The following MAGI1 variants were observed in gnomAD, a reference collection of about 807,000 sequenced individuals.
MAGI1 encodes membrane-associated guanylate kinase, WW and PDZ domain-containing protein 1.
In MAGI1, 58 loss-of-function variants were observed where a neutral mutation model predicts 139.9. That is an observed-to-expected ratio of 0.41 (90% CI 0.34 to 0.52). MAGI1 has a LOEUF of 0.52. Among genes scored for constraint, MAGI1 ranks in the 20% least tolerant of loss-of-function variants. MAGI1 has a pLI of 0.12. For missense variants in MAGI1, 1,874 were observed against 1,901.6 expected (o/e 0.99, Z 0.27); for synonymous variants, 812 against 737.9 (o/e 1.10, Z -1.63).
intron 7 of MAGI1, among the ~76,000 whole-genome samples, chr3:65,446,382 A>G (rs1306268175): frequency 2.0e-5 from 3 of 152,210 alleles, no homozygotes; most frequent in Non-Finnish European, 4.4e-5. Flanking sequence ...GGGGAGCCAC[A>G]CAGTTTGATC....
rs1057229966 is a variant in MAGI1, at chr3:65,696,998, G to C, written c.314-74910C>G. Among the ~76,000 whole-genome samples the C allele has an allele frequency of 6.6e-5, 10 of 152,270 alleles. No homozygotes were observed. The South Asian group carries it at 1.4e-3, about 22-fold the overall frequency. ...CTAGCAAGACTAATAAAGAAGAAAAGAGAGAAGAATCAAATAGACACAATG... is the reference window on the plus strand; with the variant it reads ...CTAGCAAGACTAATAAAGAAGAAAACAGAGAAGAATCAAATAGACACAATG... On this transcript the variant is annotated intron_variant, in intron 1 of 22. Transcript: ENST00000402939.
At chr3:65,672,803 C>T (rs916865828) in intron 1 of MAGI1, among the ~76,000 whole-genome samples, 1 of 152,146 alleles carries the variant, frequency 6.6e-6, no homozygotes, top group African/African-American at 2.4e-5. Flanking sequence ...CACGTACTAC[C>T]AGTGCACTCT....
intron 1 of MAGI1, among the ~76,000 whole-genome samples, chr3:65,988,156 G>A (rs1410209520): frequency 6.6e-6 from 1 of 152,208 alleles, no homozygotes; most frequent in Non-Finnish European, 1.5e-5. Context: ...AACAAAGTCA[G>A]TAAGTACCAG....
At chr3:65,463,558 A>ATATG (rs1491281941) in intron 5 of MAGI1, among the ~76,000 whole-genome samples, 2 of 140,748 alleles carry the variant, frequency 1.4e-5, no homozygotes, top group African/African-American at 5.3e-5. Context: ...TTGGCCTGAA[A>ATATG]TGTGTGTGTG....
At chr3:65,360,061 T>G (rs1287489345) in intron 22 of MAGI1, 1 of 985,240 alleles carries the variant, frequency 1.0e-6, no homozygotes, top group Non-Finnish European at 1.2e-6. Flanking sequence ...CCTCCCCCTG[T>G]ACCTCGGACC....
At chr3:65,816,963 G>A (rs771783333) in intron 1 of MAGI1, among the ~76,000 whole-genome samples, 33 of 152,042 alleles carry the variant, frequency 2.2e-4, no homozygotes, top group Non-Finnish European at 4.3e-4. Flanking sequence ...TAATGATAGC[G>A]GAATAATGGA....
intron 1 of MAGI1, among the ~76,000 whole-genome samples, chr3:65,710,137 T>C (rs1415545521): frequency 6.6e-6 from 1 of 152,140 alleles, no homozygotes; most frequent in Non-Finnish European, 1.5e-5. Flanking sequence ...TTTAAAGGAA[T>C]GGTTTTAAAA....
chr3:65,969,741 A>C (rs2064934850), intron 1 of MAGI1, among the ~76,000 whole-genome samples: 1 of 152,258 alleles, frequency 6.6e-6, no homozygotes, highest in Non-Finnish European at 1.5e-5. Flanking sequence ...GTGCTGTCCA[A>C]AACAGCAGCC....
chr3:65,609,567 C>T (rs7637606), intron 2 of MAGI1, among the ~76,000 whole-genome samples: 70,073 of 151,818 alleles, frequency 0.46, 16,587 homozygotes, highest in Non-Finnish European at 0.51. Context: ...GTACGAGCCA[C>T]CGGGTTTTTT....
chr3:65,579,830 A>G (rs977625255), intron 2 of MAGI1, among the ~76,000 whole-genome samples: 1 of 143,758 alleles, frequency 7.0e-6, no homozygotes, highest in Non-Finnish European at 1.5e-5. Flanking sequence ...CTGGGGAACA[A>G]GAGCGAAACT....
intron 1 of MAGI1, among the ~76,000 whole-genome samples, chr3:65,724,732 C>T (rs1376065309): frequency 1.3e-5 from 2 of 152,256 alleles, no homozygotes. Flanking sequence ...AGGAAACTTA[C>T]AATTATGGCG....
intron 2 of MAGI1, among the ~76,000 whole-genome samples, chr3:65,615,511 A>G (rs999478819): frequency 5.9e-5 from 9 of 152,160 alleles, no homozygotes; most frequent in African/African-American, 2.2e-4. Flanking sequence ...CTGAAGGGGC[A>G]CTGTAGAAAT....
At chr3:65,553,261 T>C (rs1235772912) in intron 2 of MAGI1, among the ~76,000 whole-genome samples, 1 of 152,196 alleles carries the variant, frequency 6.6e-6, no homozygotes, top group East Asian at 1.9e-4. Flanking sequence ...TAGCTAGAGG[T>C]AGTTTCTACA....
intron 1 of MAGI1, among the ~76,000 whole-genome samples, chr3:65,778,796 A>T (rs2038692379): frequency 6.6e-6 from 1 of 152,242 alleles, no homozygotes; most frequent in Non-Finnish European, 1.5e-5. Flanking sequence ...TTAAAAAGAC[A>T]ACTCGCATCT....
chr3:65,418,404 T>C (rs1037409542), intron 12 of MAGI1, among the ~76,000 whole-genome samples: 1 of 152,292 alleles, frequency 6.6e-6, no homozygotes, highest in African/African-American at 2.4e-5. Flanking sequence ...ACTAGGACTA[T>C]GAAATTAAAT....
intron 1 of MAGI1, among the ~76,000 whole-genome samples, chr3:65,686,606 C>A (rs529832469): frequency 2.0e-5 from 3 of 152,108 alleles, no homozygotes; most frequent in Non-Finnish European, 4.4e-5. Context: ...GGGTTGTTTT[C>A]TAAATGCAGA....
chr3:65,385,504 GGGAA>G (rs1943377209), intron 14 of MAGI1, among the ~76,000 whole-genome samples: 3 of 152,304 alleles, frequency 2.0e-5, no homozygotes, highest in African/African-American at 4.8e-5. Context: ...CAATGGAATA[GGGAA>G]GAAGAAGGTG....
intron 1 of MAGI1, among the ~76,000 whole-genome samples, chr3:65,812,445 TTCTCTC>T (rs530333757): frequency 1.5e-5 from 2 of 130,594 alleles, no homozygotes; most frequent in African/African-American, 2.8e-5. Flanking sequence ...CTCTCTCTCT[TTCTCTC>T]TCTCTCTCTC....
chr3:66,027,010 T>C (rs1378281767), intron 1 of MAGI1, among the ~76,000 whole-genome samples: 2 of 151,794 alleles, frequency 1.3e-5, no homozygotes, highest in South Asian at 4.2e-4. Flanking sequence ...TGGCTCACAC[T>C]TGTAATCCCA....
Sources: gnomAD v4.1 joint callset for allele counts (sites outside exome capture counted in the v4.1 genomes callset) on GRCh38, gnomAD v4.1.1 for gene constraint, MANE v1.5 for transcripts, NCBI Gene and HGNC (gene_info 2026-07-23, HGNC 2026-07-21) for gene names.